Variants in PEX2 observed in about 807,000 individuals in gnomAD.
PEX2 encodes the protein peroxisome biogenesis factor 2.
A neutral mutation model predicts 25.2 loss-of-function variants in PEX2; 19 were observed. The ratio of observed to expected loss-of-function variants is 0.75; its 90% CI spans 0.53 to 1.10. The LOEUF is 1.10. Among genes scored for constraint, PEX2 ranks in the 50% least tolerant of loss-of-function variants. The pLI is 0.00. For synonymous variants in PEX2, 141 were observed against 127.7 expected (o/e 1.10, Z -0.70); for missense variants, 347 against 350.6 (o/e 0.99, Z 0.08).
chr8:76,991,554 GTCATTTTT>G (rs887458100), intron 1 of PEX2, among the ~76,000 whole-genome samples: 2 of 152,050 alleles, frequency 1.3e-5, no homozygotes, highest in Admixed American at 6.5e-5. Context: ...CAACATTTTA[GTCATTTTT>G]GTGACTTCTT....
In PEX2 at chr8:76,983,067, ACATT is replaced by A. The variant is rs955910925; in HGVS notation, c.*190_*193del. 6 of 1,381,372 alleles carry A rather than the reference ACATT, an allele frequency of 4.3e-6. No homozygotes were observed. The African/African-American group carries it at 8.8e-5, about 20-fold the overall frequency. 85.6% of individuals were successfully genotyped at this position (1,381,372 alleles called of 1,614,324 possible). On this transcript the variant is annotated 3_prime_UTR_variant, in exon 4 of 4. Coordinates refer to ENST00000357039, the MANE Select transcript of PEX2 (RefSeq NM_000318.3). ...AATGCAATGATTTAAAAAACATAAT[ACATT>A]AACATTTACATAATATATTTAGAAT...
In PEX2 at chr8:76,983,722, T is replaced by C; in HGVS notation, c.457A>G (p.Asn153Asp). Residue 153 changes from asparagine (N) to aspartate (D), a missense_variant, in exon 4 of 4, where the codon AAT becomes GAT. Asn to Asp is a conservative substitution (Grantham distance 23). Transcript: ENST00000357039. Reference protein sequence around the residue: ...IGLLKLGGLINFLIFLQRGKF... With the variant: ...IGLLKLGGLIDFLIFLQRGKF... ...CCCCTCTGAAGGAAAATCAAAAAAT[T>C]AATCAGCCCACCTAATTTCAAAAGT... The C allele has an allele frequency of 6.2e-7, 1 of 1,614,040 alleles. No homozygotes were observed. Among genetic ancestry groups the C allele is most frequent in the South Asian group, 1.1e-5 (1 of 91,082 alleles).
At chr8:77,001,015 G>A (rs1054214110), upstream of PEX2, 1 of 152,206 alleles carries the variant, frequency 6.6e-6, no homozygotes, top group Admixed American at 6.5e-5. Context: ...GCACGTAGTA[G>A]GGTTTAAGAA....
intron 1 of PEX2, among the ~76,000 whole-genome samples, chr8:76,992,921 G>C (rs16939392): frequency 0.035 from 5,400 of 152,282 alleles, 297 homozygotes; most frequent in African/African-American, 0.12. Context: ...AAACTTTCCA[G>C]GGAGAAAAGA....
chr8:76,982,294 T>G lies in PEX2; in HGVS notation c.*967A>C, dbSNP rs965236519. 3.3e-5 allele frequency: 5 copies of G among 152,164 alleles called. No individual in the cohort carries two copies. Among genetic ancestry groups the G allele is most frequent in the African/African-American group, 1.2e-4 (5 of 41,450 alleles). The allele number at this position is 152,164 out of a possible 1,614,324, so 9.4% of individuals were successfully genotyped here. On this transcript the variant is annotated 3_prime_UTR_variant, in exon 4 of 4. Transcript: ENST00000357039. ...ATGCTAAAGACCCCTTTTGTTTCAA[T>G]AAAACTATCAATATTTACTGAGAAT...
chr8:76,981,410 C>A lies in PEX2; in HGVS notation c.*1851G>T, dbSNP rs1806823154. 6.6e-6 allele frequency: 1 copy of A among 152,222 alleles called. No individual in the cohort carries two copies. The allele number at this position is 152,222 out of a possible 1,614,324, so 9.4% of individuals were successfully genotyped here. ...CCTGGGAGGGAAAGGCTGCGGTTAGCCATGATCACACCACTGCACTCCAAC... is the reference window on the plus strand; with the variant it reads ...CCTGGGAGGGAAAGGCTGCGGTTAGACATGATCACACCACTGCACTCCAAC... On this transcript the variant is annotated 3_prime_UTR_variant, in exon 4 of 4. Transcript: ENST00000357039.
Position 76,983,681 on chromosome 8 carries a change from C to CA in PEX2, c.497dup (p.Leu166PhefsTer20), listed in dbSNP as rs767224792. ...AATGAATACCTAGGAGACGTTCTGT[C>CA]AAAGTTGCAAACTTTCCCCTCTGAA... On this transcript the variant is annotated frameshift_variant, in exon 4 of 4. Coordinates refer to ENST00000357039, the MANE Select transcript of PEX2 (RefSeq NM_000318.3). LOFTEE classifies it high-confidence loss of function. 1 of 1,614,076 alleles carries CA rather than the reference C, an allele frequency of 6.2e-7. No individual in the cohort carries two copies. Among genetic ancestry groups the CA allele is most frequent in the South Asian group, 1.1e-5 (1 of 91,076 alleles).
chr8:76,999,501 C>T (rs1807431476), intron 1 of PEX2, among the ~76,000 whole-genome samples: 1 of 152,178 alleles, frequency 6.6e-6, no homozygotes, highest in Non-Finnish European at 1.5e-5. Context: ...ATTATCTCTT[C>T]CTCCATAAGA....
At chr8:77,000,808 G>C (rs1049905759), upstream of PEX2, 1 of 152,378 alleles carries the variant, frequency 6.6e-6, no homozygotes, top group African/African-American at 2.4e-5. Flanking sequence ...TTAGGAATTC[G>C]GGCAGCCAGC....
At position 76,981,942 on chromosome 8, in the gene PEX2, T is replaced by A. The variant is rs912151931; in HGVS notation, c.*1319A>T. The A allele has an allele frequency of 2.0e-5, 3 of 152,316 alleles. No homozygotes were observed. The highest frequency in any genetic ancestry group is 6.5e-5 in the Admixed American group (1 of 15,302). The allele number at this position is 152,316 out of a possible 1,614,324, so 9.4% of individuals were successfully genotyped here. A position where few individuals can be genotyped will look rare whatever the true frequency, so the allele number is the denominator to read the frequency against. ...ATTCAATCACAGAATGTAAACTCCA[T>A]GAAGGTAACTTGATTTTTCCTGCTT... On this transcript the variant is annotated 3_prime_UTR_variant, in exon 4 of 4. Coordinates refer to ENST00000357039, the MANE Select transcript of PEX2 (RefSeq NM_000318.3).
rs925980011 is a variant in PEX2, at chr8:76,981,500, T to C, written c.*1761A>G. ...CAAACAAACAAAAAACAAAGACGTT[T>C]GTATATATTTTTATTTTTTTAGAAA... On this transcript the variant is annotated 3_prime_UTR_variant, in exon 4 of 4. Coordinates refer to ENST00000357039, the MANE Select transcript of PEX2 (RefSeq NM_000318.3). 2.0e-5 allele frequency: 3 copies of C among 152,106 alleles called. No homozygotes were observed. The highest frequency in any genetic ancestry group is 7.2e-5 in the African/African-American group (3 of 41,416). The allele number at this position is 152,106 out of a possible 1,614,324, so 9.4% of individuals were successfully genotyped here. A position where few individuals can be genotyped will look rare whatever the true frequency, so the allele number is the denominator to read the frequency against.
chr8:76,993,542 G>GT (rs967521058), intron 1 of PEX2, among the ~76,000 whole-genome samples: 68 of 152,198 alleles, frequency 4.5e-4, no homozygotes, highest in African/African-American at 1.6e-3. Flanking sequence ...CCAACCACTG[G>GT]TAAGTCTATT....
chr8:76,999,759 T>C (rs758783726), intron 1 of PEX2: 4 of 449,384 alleles, frequency 8.9e-6, no homozygotes, highest in South Asian at 6.3e-5. Flanking sequence ...GCTGTGTGTG[T>C]GTTTATTTTT....
Position 76,983,288 on chromosome 8 carries a change from G to C in PEX2, c.891C>G (p.Ile297Met). Reference sequence around the variant, plus strand: ...AAAGAGCATTTACTTCTGACATCTCGATTCCTGATTTCAGTGGCTGCAGAC... The same window carrying C: ...AAAGAGCATTTACTTCTGACATCTCCATTCCTGATTTCAGTGGCTGCAGAC... Reference protein sequence around the residue: ...VHSLQPLKSGIEMSEVNAL With the variant: ...VHSLQPLKSGMEMSEVNAL The change falls in exon 4 of 4, where the codon ATC becomes ATG. Residue 297 changes from isoleucine (I) to methionine (M), a missense_variant. Coordinates refer to ENST00000357039, the MANE Select transcript of PEX2 (RefSeq NM_000318.3). 1.2e-6 allele frequency: 2 copies of C among 1,613,582 alleles called. No individual in the cohort carries two copies. The highest frequency in any genetic ancestry group is 1.7e-6 in the Non-Finnish European group (2 of 1,179,998).
At chr8:76,987,312 T>C (rs1404427588) in intron 2 of PEX2, among the ~76,000 whole-genome samples, 1 of 152,112 alleles carries the variant, frequency 6.6e-6, no homozygotes. Flanking sequence ...GAAGGCTTCC[T>C]GGGAGAGGCA....
At chr8:76,992,793 C>A (rs1308414095) in intron 1 of PEX2, among the ~76,000 whole-genome samples, 1 of 152,210 alleles carries the variant, frequency 6.6e-6, no homozygotes, top group African/African-American at 2.4e-5. Context: ...AAATATTTAA[C>A]TGTCAGCTAG....
rs143661965 is a variant in PEX2, at chr8:76,983,381, G to A, written c.798C>T (p.Phe266=). The A allele has an allele frequency of 8.7e-6, 14 of 1,613,920 alleles. No homozygotes were observed. In the African/African-American group the frequency reaches 1.6e-4, roughly 18 times the overall value. ...CAAATAAGAAACTACTCTTAGCACA[G>A]AAATAACAGAAAATATGCTCACATC... is the stretch of plus-strand genomic sequence containing the variant. ...TIGCEHIFCY[F]CAKSSFLFDV... The change falls in exon 4 of 4, where the codon TTC becomes TTT. Residue 266 remains phenylalanine (F), a synonymous_variant. Coordinates refer to ENST00000357039, the MANE Select transcript of PEX2 (RefSeq NM_000318.3).
In PEX2 at chr8:77,000,063, T is replaced by C. The variant is rs973323483; in HGVS notation, c.-233A>G. Reference sequence around the variant, plus strand: ...ATTCTCTGGAAAGCTTGTCTTTTCCTAGCCGAATCTGGATTACCAAGGCTT... The same window carrying C: ...ATTCTCTGGAAAGCTTGTCTTTTCCCAGCCGAATCTGGATTACCAAGGCTT... On this transcript the variant is annotated 5_prime_UTR_variant, in exon 1 of 4. Transcript: ENST00000357039. 1.4e-5 allele frequency: 6 copies of C among 426,068 alleles called. No homozygotes were observed. The highest frequency in any genetic ancestry group is 2.4e-5 in the Non-Finnish European group (5 of 211,458). 26.4% of individuals were successfully genotyped at this position (426,068 alleles called of 1,614,324 possible).
chr8:76,999,141 T>C (rs546163393), intron 1 of PEX2, among the ~76,000 whole-genome samples: 1 of 152,268 alleles, frequency 6.6e-6, no homozygotes, highest in South Asian at 2.1e-4. Flanking sequence ...CAGGATTAAG[T>C]AAAGGTAACA....
Sources: gnomAD v4.1 joint callset for allele counts (sites outside exome capture counted in the v4.1 genomes callset) on GRCh38, gnomAD v4.1.1 for gene constraint, MANE v1.5 for transcripts, NCBI Gene and HGNC (gene_info 2026-07-23, HGNC 2026-07-21) for gene names.